The following POLR1E variants were observed in gnomAD, a reference collection of about 807,000 sequenced individuals.
POLR1E encodes the protein RNA polymerase I subunit E, also known as DNA-directed RNA polymerase I subunit RPA49.
A neutral mutation model predicts 50.9 loss-of-function variants in POLR1E; 37 were observed. That is an observed-to-expected ratio of 0.73 (90% CI 0.56 to 0.96). The LOEUF is 0.96. POLR1E is among the 40% of genes least tolerant of loss of function. The pLI is 0.00. For synonymous variants in POLR1E, 166 were observed against 191.6 expected (o/e 0.87, Z 1.10); for missense variants, 426 against 518.1 (o/e 0.82, Z 1.73).
At chr9:37,498,749 A>G (rs1820827571) in intron 9 of POLR1E, among the ~76,000 whole-genome samples, 1 of 152,184 alleles carries the variant, frequency 6.6e-6, no homozygotes, top group Non-Finnish European at 1.5e-5. Flanking sequence ...ACACCCTCAT[A>G]CCTACCCAGA....
intron 4 of POLR1E, among the ~76,000 whole-genome samples, chr9:37,491,663 C>T (rs190516841): frequency 2.6e-5 from 4 of 152,142 alleles, no homozygotes; most frequent in Admixed American, 2.6e-4. Context: ...GGGGTTTCAC[C>T]ATGTTGGCCA....
chr9:37,490,049 A>C (rs2119000937), intron 4 of POLR1E, among the ~76,000 whole-genome samples: 2 of 152,350 alleles, frequency 1.3e-5, no homozygotes, highest in South Asian at 4.1e-4. Context: ...AGAATATTAG[A>C]GGACATGTCT....
intron 4 of POLR1E, 136 bp downstream of exon 4, chr9:37,489,536 T>C: frequency 1.5e-6 from 1 of 665,388 alleles, no homozygotes; most frequent in Non-Finnish European, 2.4e-6. Flanking sequence ...CTGCTTTGTC[T>C]GTGTTGAGAA....
intron 4 of POLR1E, chr9:37,490,283 G>T: frequency 2.5e-6 from 1 of 404,062 alleles, no homozygotes; most frequent in Non-Finnish European, 4.5e-6. Flanking sequence ...AATTTGAAGA[G>T]TAAAGACATT....
In POLR1E at chr9:37,501,775, C is replaced by T; in HGVS notation, c.1031C>T (p.Ala344Val). The T allele has an allele frequency of 6.2e-7, 1 of 1,614,000 alleles. No homozygotes were observed. Among genetic ancestry groups the T allele is most frequent in the Non-Finnish European group, 8.5e-7 (1 of 1,179,926 alleles). ...AKITAYVIIL[A>V]LHIHDFQIDL... is the part of the protein sequence containing the mutation. ...ATTACTGCATATGTGATCATACTTG[C>T]CTTGCACATACATGACTTCCAAATT... The change falls in exon 11 of 12, where the codon GCC (alanine) becomes GTC (valine). Residue 344 changes from alanine to valine, a missense_variant. Physicochemically the swap from Ala to Val is moderately conservative, Grantham distance 64 (BLOSUM62 0). Transcript: ENST00000377798.
At chr9:37,492,571 A>T in intron 4 of POLR1E, 86 bp from the exon 5 acceptor site, 1 of 1,254,380 alleles carries the variant, frequency 8.0e-7, no homozygotes, top group Non-Finnish European at 1.1e-6. Context: ...TTATTCTTAG[A>T]TAGACAAATG....
Position 37,503,142 on chromosome 9 carries a change from C to T in POLR1E, c.1200C>T (p.Ser400=), listed in dbSNP as rs1588809263. ...AAGATCACAAGCTGGGCACCCTGTC[C>T]CTCCCGCTGCCTCCAGCCCAGACCT... ...SEEDHKLGTL[S]LPLPPAQTSD... Residue 400 remains serine, a synonymous_variant, in exon 12 of 12, where the codon TCC becomes TCT. Transcript: ENST00000377798. The T allele has an allele frequency of 6.2e-7, 1 of 1,613,804 alleles. No individual in the cohort carries two copies. The highest frequency in any genetic ancestry group is 2.2e-5 in the East Asian group (1 of 44,888).
chr9:37,486,852 AG>A, intron 2 of POLR1E, 46 bp downstream of exon 2: 1 of 1,568,468 alleles, frequency 6.4e-7, no homozygotes, highest in Middle Eastern at 1.7e-4. Flanking sequence ...AGGGCTCAGA[AG>A]GCCCCTGGGA....
intron 11 of POLR1E, among the ~76,000 whole-genome samples, chr9:37,502,358 G>C (rs920311215): frequency 6.6e-6 from 1 of 152,224 alleles, no homozygotes; most frequent in Non-Finnish European, 1.5e-5. Context: ...GGAACCGCTG[G>C]TTCCAAGGCC....
chr9:37,501,000 C>G, intron 10 of POLR1E, 79 bp downstream of exon 10: 1 of 1,341,314 alleles, frequency 7.5e-7, no homozygotes, highest in South Asian at 1.2e-5. Context: ...GGGGCTTGGA[C>G]TCAATTCCAT....
rs559340557 is a variant in POLR1E at position 37,494,172 on chromosome 9, T to C, written c.547+469T>C. Among the ~76,000 whole-genome samples the C allele has an allele frequency of 7.0e-4, 107 of 152,306 alleles. No homozygotes were observed. In the Middle Eastern group the frequency reaches 0.01, roughly 15 times the overall value. On this transcript the variant is annotated intron_variant, in intron 6 of 11. Coordinates refer to ENST00000377798, the MANE Select transcript of POLR1E (RefSeq NM_022490.4). ...AAATGTATTTATTGTTCAAATACAT[T>C]ATAAGAACATAAGAGCAAGTTTGTG...
intron 4 of POLR1E, among the ~76,000 whole-genome samples, chr9:37,491,124 A>G (rs1293314738): frequency 6.6e-6 from 1 of 152,126 alleles, no homozygotes; most frequent in Non-Finnish European, 1.5e-5. Context: ...CTGCTTTGTC[A>G]TCTTAGAATG....
At position 37,492,973 on chromosome 9, in the gene POLR1E, G is replaced by A. The variant is rs541146290; in HGVS notation, c.402+258G>A. On this transcript the variant is annotated intron_variant, in intron 5 of 11. Coordinates refer to ENST00000377798, the MANE Select transcript of POLR1E (RefSeq NM_022490.4). ...GAGTCGGTTCTCTGGGCTGATACAA[G>A]TGTAGCATAATGCTTGTTTTTAGGA... Among the ~76,000 whole-genome samples the A allele has an allele frequency of 2.0e-3, 309 of 152,342 alleles. 2 individuals are homozygous for A. Among genetic ancestry groups the A allele is most frequent in the African/African-American group, 6.9e-3 (287 of 41,580 alleles).
rs1207455794 is a variant in POLR1E at position 37,503,448 on chromosome 9, T to G, written c.*246T>G. 6.1e-6 allele frequency: 2 copies of G among 328,422 alleles called. No individual in the cohort carries two copies. Among genetic ancestry groups the G allele is most frequent in the African/African-American group, 4.2e-5 (2 of 47,110 alleles). 20.3% of individuals were successfully genotyped at this position (328,422 alleles called of 1,614,324 possible). On this transcript the variant is annotated 3_prime_UTR_variant, in exon 12 of 12. Coordinates refer to ENST00000377798, the MANE Select transcript of POLR1E (RefSeq NM_022490.4). ...AAAAAAAGAGTCAGGCCTGGTGGTG[T>G]GCGCCTGTAATCCCAGCTACTCGGG...
At chr9:37,497,875 G>A (rs527685552) in intron 8 of POLR1E, among the ~76,000 whole-genome samples, 51 of 152,196 alleles carry the variant, frequency 3.4e-4, no homozygotes, top group African/African-American at 1.2e-3. Context: ...TGATCCTCCC[G>A]CCTCAGCCTT....
At chr9:37,489,946 G>T (rs553608385) in intron 4 of POLR1E, among the ~76,000 whole-genome samples, 4 of 152,280 alleles carry the variant, frequency 2.6e-5, no homozygotes, top group African/African-American at 9.6e-5. Context: ...TGTGGATGTG[G>T]CAGTAAGCAA....
At position 37,503,218 on chromosome 9, in the gene POLR1E, A is replaced by C. The variant is rs1778338958; in HGVS notation, c.*16A>C. 1 of 1,586,744 alleles carries C rather than the reference A, an allele frequency of 6.3e-7. No homozygotes were observed. The highest frequency in any genetic ancestry group is 8.6e-7 in the Non-Finnish European group (1 of 1,167,744). ...GATTACCTAGACGCATGCTTTCCAG[A>C]CAGGGCGTTTTGGCTGCATCACAGC... On this transcript the variant is annotated 3_prime_UTR_variant, in exon 12 of 12. Transcript: ENST00000377798.
At chr9:37,490,642 T>C (rs1162058778) in intron 4 of POLR1E, 1 of 726,230 alleles carries the variant, frequency 1.4e-6, no homozygotes, top group Non-Finnish European at 2.5e-6. Flanking sequence ...ACACTAATTC[T>C]CTTGGCAAGA....
chr9:37,492,285 T>G, intron 4 of POLR1E: 1 of 1,292,872 alleles, frequency 7.7e-7, no homozygotes, highest in Non-Finnish European at 1.0e-6. Context: ...CTTTTAGGTC[T>G]TTCACCAAGA....
Sources: gnomAD v4.1 joint callset for allele counts (sites outside exome capture counted in the v4.1 genomes callset) on GRCh38, gnomAD v4.1.1 for gene constraint, MANE v1.5 for transcripts, NCBI Gene and HGNC (gene_info 2026-07-23, HGNC 2026-07-21) for gene names.